The following SUN1 variants were observed in gnomAD, a reference collection of about 807,000 sequenced individuals.
SUN1 encodes the protein SUN domain-containing protein 1.
In SUN1, 61 loss-of-function variants were observed where a neutral mutation model predicts 103.2. The observed-to-expected ratio is 0.59, with a 90% CI of 0.48 to 0.73. The LOEUF (loss-of-function observed/expected upper bound fraction) is 0.73, where lower values mean the gene tolerates loss of function less well. SUN1 is among the 30% of genes least tolerant of loss of function. The pLI is 0.00. For synonymous variants in SUN1, 490 were observed against 425.7 expected (o/e 1.15, Z -1.86); for missense variants, 1,052 against 1,034.6 (o/e 1.02, Z -0.23).
rs1482243233 is a variant in SUN1, at chr7:843,366, A to T, written c.504A>T (p.Gly168=). Residue 168 remains glycine (G), a synonymous_variant, in exon 5 of 19, where the codon GGA becomes GGT. Transcript: ENST00000401592. ...GTGGAAATAAAGCTGCCATTCAGGG[A>T]AACGGGGATGTGGGAGCCGCCGCCG... ...LKGGNKAAIQ[G]NGDVGAAAAT... 1 of 1,609,000 alleles carries T rather than the reference A, an allele frequency of 6.2e-7. No individual in the cohort carries two copies. Among genetic ancestry groups the T allele is most frequent in the South Asian group, 1.1e-5 (1 of 90,384 alleles).
rs1317691116 is a variant in SUN1 at position 838,790 on chromosome 7, C to T, written c.78-8C>T. The T allele has an allele frequency of 6.5e-7, 1 of 1,531,990 alleles. No homozygotes were observed. The highest frequency in any genetic ancestry group is 1.4e-5 in the African/African-American group (1 of 72,654). The allele number at this position is 1,531,990 out of a possible 1,614,324, so 94.9% of individuals were successfully genotyped here. On this transcript the variant is annotated splice_polypyrimidine_tract_variant and splice_region_variant and intron_variant, in intron 1 of 18. Transcript: ENST00000401592. ...ACTGCTTACCTCTGATGAGCTTTTT[C>T]CTTCTAGTTCCAGCTATTCTTCAGA...
At chr7:873,073 C>A in intron 18 of SUN1, 142 bp from the exon 19 acceptor site, 1 of 794,758 alleles carries the variant, frequency 1.3e-6, no homozygotes, top group Non-Finnish European at 2.1e-6. Flanking sequence ...GGTGACAGGG[C>A]AAGACTCTGT....
intron 13 of SUN1, 89 bp downstream of exon 13, chr7:858,046 T>G: frequency 7.3e-7 from 1 of 1,379,044 alleles, no homozygotes; most frequent in Non-Finnish European, 9.6e-7. Flanking sequence ...GCTGTTTAAT[T>G]TTTTATTTAT....
intron 1 of SUN1, among the ~76,000 whole-genome samples, chr7:825,201 GGCGCCCGCCACT>G (rs1790494365): frequency 6.6e-6 from 1 of 152,060 alleles, no homozygotes; most frequent in African/African-American, 2.4e-5. Flanking sequence ...TGGGACTACA[GGCGCCCGCCACT>G]GCGCCCGGCT....
intron 18 of SUN1, 146 bp from the exon 19 acceptor site, chr7:873,069 A>AG (rs765602699): frequency 6.1e-5 from 47 of 764,250 alleles, no homozygotes; most frequent in Non-Finnish European, 9.1e-5. Flanking sequence ...CCTGGGTGAC[A>AG]GGGCAAGACT....
At chr7:816,832 C>G (rs1300237909) in intron 1 of SUN1, 2 of 148,928 alleles carry the variant, frequency 1.3e-5, no homozygotes, top group Non-Finnish European at 3.0e-5. Context: ...GCTGCCGCCC[C>G]CGCCCGTCCC....
At chr7:842,382 A>G (rs1489068709) in intron 3 of SUN1, 1 of 521,430 alleles carries the variant, frequency 1.9e-6, no homozygotes, top group Non-Finnish European at 3.5e-6. Context: ...TCGGGTGGTC[A>G]TTGGGTTATG....
chr7:863,552 G>C (rs1488434317), intron 15 of SUN1, among the ~76,000 whole-genome samples: 1 of 152,110 alleles, frequency 6.6e-6, no homozygotes, highest in African/African-American at 2.4e-5. Flanking sequence ...TAAATGTACA[G>C]CTCCGTGGCT....
chr7:817,398 A>G, intron 1 of SUN1: 2 of 1,534,876 alleles, frequency 1.3e-6, no homozygotes, highest in Non-Finnish European at 1.7e-6. Context: ...CAAAGTGCCC[A>G]GAATGGTGTC....
chr7:855,859 C>T (rs1826729654), intron 11 of SUN1, among the ~76,000 whole-genome samples: 1 of 152,114 alleles, frequency 6.6e-6, no homozygotes. Context: ...CCGCGGGGCG[C>T]CTCCTCCTGT....
At chr7:848,984 T>G (rs1819223303) in intron 5 of SUN1, among the ~76,000 whole-genome samples, 1 of 152,244 alleles carries the variant, frequency 6.6e-6, no homozygotes, top group South Asian at 2.1e-4. Flanking sequence ...GGAGTTTCAC[T>G]CTTGTTGCCC....
chr7:853,582 T>C lies in SUN1; in HGVS notation c.1227T>C (p.Ala409=). The C allele has an allele frequency of 6.2e-7, 1 of 1,607,942 alleles. No homozygotes were observed. Among genetic ancestry groups the C allele is most frequent in the African/African-American group, 1.3e-5 (1 of 75,032 alleles). ...QMEGGAAGPS[A]SVRDAVGQPP... is the part of the protein sequence containing the mutation. ...AAGGCGGCGCTGCCGGGCCGTCAGC[T>C]TCGGTCAGAGACGCTGTGGGACAGC... The change falls in exon 10 of 19, where the codon GCT becomes GCC. Residue 409 remains alanine (A), a synonymous_variant. Transcript: ENST00000401592.
chr7:868,264 C>A (rs1486643112), intron 16 of SUN1, among the ~76,000 whole-genome samples: 1 of 152,266 alleles, frequency 6.6e-6, no homozygotes, highest in Non-Finnish European at 1.5e-5. Flanking sequence ...ACTTGTCAGT[C>A]AGTCCCTGTG....
At chr7:853,021 T>C (rs1823731952) in intron 9 of SUN1, 69 bp downstream of exon 9, 2 of 1,531,160 alleles carry the variant, frequency 1.3e-6, no homozygotes, top group South Asian at 2.6e-5. Context: ...TCCACACTGC[T>C]GTGAGCCAGG....
intron 10 of SUN1, among the ~76,000 whole-genome samples, chr7:854,384 A>G (rs1447795678): frequency 1.3e-5 from 2 of 152,254 alleles, no homozygotes; most frequent in Non-Finnish European, 2.9e-5. Flanking sequence ...CTACTCACAT[A>G]TGGCCGTGTA....
intron 14 of SUN1, among the ~76,000 whole-genome samples, chr7:860,988 C>A (rs1831785274): frequency 1.3e-5 from 2 of 152,326 alleles, no homozygotes; most frequent in South Asian, 4.1e-4. Context: ...AGCTGCAATT[C>A]AAGATGAGAT....
chr7:832,728 T>A (rs934015187), intron 1 of SUN1, 127 bp downstream of exon 1: 1 of 737,602 alleles, frequency 1.4e-6, no homozygotes, highest in Non-Finnish European at 2.3e-6. Context: ...TGAAAAAAAA[T>A]AATAAACTGT....
rs571577552 is a variant in SUN1 at position 857,854 on chromosome 7, C to T, written c.1421C>T (p.Thr474Ile). 3.1e-6 allele frequency: 5 copies of T among 1,594,198 alleles called. No individual in the cohort carries two copies. The highest frequency in any genetic ancestry group is 1.3e-5 in the African/African-American group (1 of 74,500). Residue 474 changes from threonine (T) to isoleucine (I), a missense_variant, in exon 13 of 19, where the codon ACA becomes ATA. Around this residue, in one of 2 missense-constraint regions of SUN1, gnomAD observed 846 missense variants for 774.5 expected, o/e 1.09. Coordinates refer to ENST00000401592, the MANE Select transcript of SUN1 (RefSeq NM_001130965.3). ...GCGGTTGGTGAGCAGCTCCTGCCCA[C>T]AGTCGAGCACCTCCAGCTGGAGCTG... ...ISAVGEQLLP[T>I]VEHLQLELDQ...
At chr7:818,987 C>A (rs1783521850) in intron 1 of SUN1, among the ~76,000 whole-genome samples, 1 of 152,014 alleles carries the variant, frequency 6.6e-6, no homozygotes, top group Admixed American at 6.6e-5. Flanking sequence ...CCTCAGCCTC[C>A]CGAATAGCTG....
Sources: gnomAD v4.1 joint callset for allele counts (sites outside exome capture counted in the v4.1 genomes callset) on GRCh38, gnomAD v4.1.1 for gene constraint, gnomAD v4.1.1 regional missense constraint, MANE v1.5 for transcripts, NCBI Gene and HGNC (gene_info 2026-07-23, HGNC 2026-07-21) for gene names.